Variants in ESR1 observed in about 807,000 individuals in gnomAD.
ESR1 encodes estrogen receptor.
ESR1 carries 12 observed loss-of-function variants against 52.7 expected under a neutral mutation model. The observed-to-expected ratio is 0.23, with a 90% CI of 0.15 to 0.37. ESR1 has a LOEUF of 0.37. ESR1 is among the 10% of genes least tolerant of loss of function. The pLI is 1.00. For missense variants in ESR1, 584 were observed against 779.7 expected, an observed-to-expected ratio of 0.75 and a Z score of 2.99; for synonymous variants, 305 against 316.8, an observed-to-expected ratio of 0.96 and a Z score of 0.39.
At chr6:151,712,767 A>G (rs2128001124) in intron 2 of ESR1, among the ~76,000 whole-genome samples, 2 of 152,322 alleles carry the variant, frequency 1.3e-5, no homozygotes. Context: ...TAAATATACA[A>G]TCATGTCATC....
intron 2 of ESR1, among the ~76,000 whole-genome samples, chr6:151,742,553 C>T (rs1583090060): frequency 6.6e-6 from 1 of 152,300 alleles, no homozygotes; most frequent in South Asian, 2.1e-4. Context: ...ATCTCTTGTC[C>T]CTGCCAGTTC....
intron 1 of ESR1, among the ~76,000 whole-genome samples, chr6:151,697,153 T>C (rs1396639745): frequency 6.6e-6 from 1 of 152,218 alleles, no homozygotes; most frequent in Non-Finnish European, 1.5e-5. Context: ...AGAAAAATAC[T>C]GTGTGGATTG....
At chr6:152,023,225 T>C (rs1050760546) in intron 5 of ESR1, among the ~76,000 whole-genome samples, 2 of 152,132 alleles carry the variant, frequency 1.3e-5, no homozygotes, top group Non-Finnish European at 2.9e-5. Flanking sequence ...ACCAGCTCTT[T>C]GAGGTATTTG....
At chr6:151,894,272 G>C (rs971660575) in intron 3 of ESR1, among the ~76,000 whole-genome samples, 4 of 151,440 alleles carry the variant, frequency 2.6e-5, no homozygotes, top group Admixed American at 1.3e-4. Flanking sequence ...TAATTTGTTT[G>C]AGTTCCTTGT....
intron 4 of ESR1, among the ~76,000 whole-genome samples, chr6:151,963,061 C>T (rs909328173): frequency 1.3e-5 from 2 of 152,098 alleles, no homozygotes; most frequent in Non-Finnish European, 2.9e-5. Context: ...TATCTCTTCT[C>T]TCTAGACTTC....
At chr6:152,005,087 C>T (rs1454370966) in intron 4 of ESR1, among the ~76,000 whole-genome samples, 1 of 151,960 alleles carries the variant, frequency 6.6e-6, no homozygotes, top group African/African-American at 2.4e-5. Context: ...TATCCCAAGG[C>T]AAATAGACAG....
intron 3 of ESR1, among the ~76,000 whole-genome samples, chr6:151,939,367 ACT>A (rs1166789125): frequency 2.0e-5 from 3 of 152,036 alleles, no homozygotes; most frequent in African/African-American, 7.3e-5. Flanking sequence ...AATCCATATC[ACT>A]CTATGTTGCT....
At chr6:151,896,349 A>G (rs1584028376) in intron 3 of ESR1, among the ~76,000 whole-genome samples, 1 of 152,178 alleles carries the variant, frequency 6.6e-6, no homozygotes, top group South Asian at 2.1e-4. Context: ...TTAAATTACC[A>G]TTTCAATCTT....
At chr6:152,070,308 C>T (rs2048266392) in intron 6 of ESR1, among the ~76,000 whole-genome samples, 1 of 137,250 alleles carries the variant, frequency 7.3e-6, no homozygotes, top group Admixed American at 6.8e-5. Flanking sequence ...CATAGGTGCC[C>T]TCCCTCTGTC....
At chr6:151,750,562 A>G (rs955413047) in intron 2 of ESR1, among the ~76,000 whole-genome samples, 1 of 152,220 alleles carries the variant, frequency 6.6e-6, no homozygotes, top group African/African-American at 2.4e-5. Context: ...ATGAAAAATT[A>G]TAAATGACCA....
chr6:152,040,320 A>G (rs1452562483), intron 5 of ESR1, among the ~76,000 whole-genome samples: 4 of 152,156 alleles, frequency 2.6e-5, no homozygotes, highest in African/African-American at 9.7e-5. Context: ...GTGGCTGGGG[A>G]AAGAGGCTGA....
At chr6:151,878,758 A>T (rs976198805) in intron 2 of ESR1, among the ~76,000 whole-genome samples, 6 of 152,212 alleles carry the variant, frequency 3.9e-5, no homozygotes, top group Non-Finnish European at 2.9e-5. Context: ...TAAATTCAGG[A>T]CATTTCCCCA....
chr6:152,115,141 AT>A (rs1458895265), intron 6 of ESR1, among the ~76,000 whole-genome samples: 1 of 152,106 alleles, frequency 6.6e-6, no homozygotes, highest in Non-Finnish European at 1.5e-5. Context: ...TGCCATTACT[AT>A]ATACACGAGT....
chr6:152,006,871 C>T (rs2042374566), intron 4 of ESR1, among the ~76,000 whole-genome samples: 1 of 151,992 alleles, frequency 6.6e-6, no homozygotes, highest in African/African-American at 2.4e-5. Context: ...CTGAGGGAAC[C>T]AACCACCTAG....
intron 4 of ESR1, among the ~76,000 whole-genome samples, chr6:151,975,362 GT>G (rs967555806): frequency 1.4e-3 from 203 of 148,964 alleles, no homozygotes; most frequent in African/African-American, 4.5e-3. Flanking sequence ...CCCTTAGCTT[GT>G]TTTTTTTTTC....
intron 4 of ESR1, among the ~76,000 whole-genome samples, chr6:151,955,465 A>G (rs767501252): frequency 2.0e-5 from 3 of 152,246 alleles, no homozygotes; most frequent in Non-Finnish European, 4.4e-5. Flanking sequence ...CAGACATTTC[A>G]TAGCAAAAAT....
chr6:152,112,857 G>T (rs149773935), intron 6 of ESR1: 1 of 152,196 alleles, frequency 6.6e-6, no homozygotes, highest in African/African-American at 2.4e-5. Flanking sequence ...AGACAAAAAC[G>T]TGAAGTCCCT....
chr6:151,815,850 C>G (rs1433268139), intron 1 of ESR1, among the ~76,000 whole-genome samples: 1 of 152,190 alleles, frequency 6.6e-6, no homozygotes, highest in East Asian at 1.9e-4. Flanking sequence ...AGCCCTCAGA[C>G]TATAAACAAG....
intron 2 of ESR1, among the ~76,000 whole-genome samples, chr6:151,710,729 C>A (rs765902833): frequency 4.6e-5 from 7 of 152,118 alleles, no homozygotes; most frequent in Non-Finnish European, 1.0e-4. Context: ...CCTAGCCCCC[C>A]ACCCTCTGAC....
Sources: allele counts gnomAD v4.1 joint callset (sites outside exome capture counted in the v4.1 genomes callset), GRCh38; gene constraint gnomAD v4.1.1; transcripts MANE v1.5; gene names NCBI Gene and HGNC (gene_info 2026-07-23, HGNC 2026-07-21).